The following BMS1 variants were observed in gnomAD, a reference collection of about 807,000 sequenced individuals.
BMS1 encodes the protein ribosome biogenesis protein BMS1 homolog.
Under a neutral mutation model 138.7 loss-of-function variants are expected in BMS1, and 53 were observed. The ratio of observed to expected loss-of-function variants is 0.38; its 90% CI spans 0.31 to 0.48. The LOEUF is 0.48. BMS1 is among the 20% of genes least tolerant of loss of function. BMS1 has a pLI of 0.97. For missense variants in BMS1, 1,360 were observed against 1,565.5 expected (o/e 0.87, Z 2.22); for synonymous variants, 504 against 539.9 (o/e 0.93, Z 0.92).
Position 42,823,743 on chromosome 10 carries a change from C to T in BMS1, c.3415C>T (p.His1139Tyr), listed in dbSNP as rs1325669827. The change falls in exon 21 of 23, where the codon CAT becomes TAT. Residue 1139 changes from histidine (H) to tyrosine (Y), a missense_variant. By Grantham distance (83) the His-to-Tyr change is moderately conservative. Coordinates refer to ENST00000374518, the MANE Select transcript of BMS1 (RefSeq NM_014753.4). ...MRTTGQLRLA[H>Y]GVRLKANKDS... is the part of the protein sequence containing the mutation. ...GACCACGGGCCAACTCAGGCTCGCC[C>T]ATGGCGTCAGACTAAAGGCGAACAA... 1.3e-6 allele frequency: 2 copies of T among 1,595,482 alleles called. No homozygotes were observed. Among genetic ancestry groups the T allele is most frequent in the South Asian group, 2.2e-5 (2 of 90,688 alleles).
At chr10:42,790,223 C>T in intron 4 of BMS1, 100 bp from the exon 5 acceptor site, 1 of 1,087,568 alleles carries the variant, frequency 9.2e-7, no homozygotes, top group Non-Finnish European at 1.4e-6. Flanking sequence ...GTTACAAACA[C>T]AGGTGATGGG....
At chr10:42,792,814 C>T in intron 7 of BMS1, 143 bp from the exon 8 acceptor site, 1 of 1,276,334 alleles carries the variant, frequency 7.8e-7, no homozygotes. Context: ...GCTAGGGGGC[C>T]ACTGTTCCAG....
At chr10:42,803,280 A>G (rs1031417143) in intron 13 of BMS1, among the ~76,000 whole-genome samples, 6 of 152,254 alleles carry the variant, frequency 3.9e-5, no homozygotes, top group African/African-American at 1.4e-4. Context: ...CTTGAACCAC[A>G]AATGTATACC....
Position 42,808,144 on chromosome 10 carries a change from G to A in BMS1, c.2329+5926G>A, listed in dbSNP as rs1478747285. ...TTTTGCACTTTTAAAAATTGGGTTG[G>A]GTTGGGTACTGTGAGTTCATTATAT... On this transcript the variant is annotated intron_variant, in intron 13 of 22. Coordinates refer to ENST00000374518, the MANE Select transcript of BMS1 (RefSeq NM_014753.4). Among the ~76,000 whole-genome samples the A allele has an allele frequency of 2.0e-5, 3 of 152,016 alleles. No individual in the cohort carries two copies. In the East Asian group the frequency reaches 5.8e-4, roughly 29 times the overall value.
intron 4 of BMS1, 56 bp from the exon 5 acceptor site, chr10:42,790,267 A>G: frequency 1.3e-6 from 2 of 1,580,882 alleles, no homozygotes; most frequent in Admixed American, 3.4e-5. Flanking sequence ...GCCAACCCTT[A>G]GTGTAGGTGG....
In BMS1 at chr10:42,830,937, C is replaced by T. The variant is rs747732953; in HGVS notation, c.3690C>T (p.His1230=). 2.4e-5 allele frequency: 39 copies of T among 1,611,498 alleles called. No individual in the cohort carries two copies. Among genetic ancestry groups the T allele is most frequent in the Non-Finnish European group, 3.0e-5 (35 of 1,179,028 alleles). ...QKMKKAKEQR[H]LHNKEHFRAK... ...TGAAGAAGGCCAAGGAGCAGCGGCA[C>T]CTGCACAATAAAGAGCACTTCAGAG... The change falls in exon 23 of 23, where the codon CAC becomes CAT. Residue 1230 remains histidine (H), a synonymous_variant. Transcript: ENST00000374518.
intron 2 of BMS1, 124 bp from the exon 3 acceptor site, chr10:42,785,358 A>AT (rs1766984618): frequency 1.4e-6 from 1 of 720,328 alleles, no homozygotes; most frequent in South Asian, 2.6e-5. Flanking sequence ...ACTCTCTATA[A>AT]AATGTGCTAA....
rs193146198 is a variant in BMS1, at chr10:42,791,862, C to T, written c.779+93C>T. The T allele has an allele frequency of 5.1e-3, 7,249 of 1,433,460 alleles. 25 individuals are homozygous for T. Among genetic ancestry groups the T allele is most frequent in the Non-Finnish European group, 6.1e-3 (6,549 of 1,067,924 alleles). 88.8% of individuals were successfully genotyped at this position (1,433,460 alleles called of 1,614,324 possible). A position where few individuals can be genotyped will look rare whatever the true frequency, so the allele number is the denominator to read the frequency against. On this transcript the variant is annotated intron_variant, in intron 6 of 22. Coordinates refer to ENST00000374518, the MANE Select transcript of BMS1 (RefSeq NM_014753.4). Reference sequence around the variant, plus strand: ...AACAGTGATAGGATTTATTTTGTGCCGATTTGAATAGGGGGGATAGAAGTG... The same window carrying T: ...AACAGTGATAGGATTTATTTTGTGCTGATTTGAATAGGGGGGATAGAAGTG...
intron 19 of BMS1, 77 bp from the exon 20 acceptor site, chr10:42,823,041 T>C (rs928951069): frequency 1.6e-5 from 21 of 1,316,104 alleles, no homozygotes; most frequent in Admixed American, 8.6e-5. Flanking sequence ...TAATCAAGGA[T>C]GTATGTTTGA....
intron 3 of BMS1, among the ~76,000 whole-genome samples, chr10:42,786,177 T>G (rs1424921885): frequency 6.6e-6 from 1 of 152,220 alleles, no homozygotes; most frequent in African/African-American, 2.4e-5. Flanking sequence ...ATTTAACAGA[T>G]AGCACGCACC....
At chr10:42,799,467 A>G (rs1391431297) in intron 12 of BMS1, among the ~76,000 whole-genome samples, 2 of 152,074 alleles carry the variant, frequency 1.3e-5, no homozygotes, top group Admixed American at 1.3e-4. Context: ...CTTTTTGTCA[A>G]TTCAGTTTGG....
At position 42,810,508 on chromosome 10, in the gene BMS1, C is replaced by T. The variant is rs568674421; in HGVS notation, c.2330-6091C>T. Among the ~76,000 whole-genome samples, 182 of 152,218 alleles carry T rather than the reference C, an allele frequency of 1.2e-3. 1 individual carries two copies. The highest frequency in any genetic ancestry group is 4.2e-3 in the African/African-American group (176 of 41,502). On this transcript the variant is annotated intron_variant, in intron 13 of 22. Coordinates refer to ENST00000374518, the MANE Select transcript of BMS1 (RefSeq NM_014753.4). Reference sequence around the variant, plus strand: ...ATCTGGTTTTGGCATTGGGATAATACTAGCCTCATAAAATGAGTTGCAAAG... The same window carrying T: ...ATCTGGTTTTGGCATTGGGATAATATTAGCCTCATAAAATGAGTTGCAAAG...
Position 42,824,059 on chromosome 10 carries a change from A to G in BMS1, c.3456+275A>G, listed in dbSNP as rs181971829. On this transcript the variant is annotated intron_variant, in intron 21 of 22. Transcript: ENST00000374518. ...GGTTGACCACATGATCTTAAAGGATACATATAGATAGTAAACTGGTTACTA... is the reference window on the plus strand; with the variant it reads ...GGTTGACCACATGATCTTAAAGGATGCATATAGATAGTAAACTGGTTACTA... Among the ~76,000 whole-genome samples, 431 of 152,358 alleles carry G rather than the reference A, an allele frequency of 2.8e-3. 2 individuals are homozygous for G. Among genetic ancestry groups the G allele is most frequent in the African/African-American group, 8.2e-3 (339 of 41,582 alleles).
chr10:42,796,619 G>A lies in BMS1; in HGVS notation c.1375G>A (p.Gly459Ser), dbSNP rs898947384. Residue 459 changes from glycine to serine, a missense_variant, in exon 10 of 23, where the codon GGC becomes AGC. By Grantham distance (56) the Gly-to-Ser change is moderately conservative. Transcript: ENST00000374518. ...EMSEDDGLEN[G>S]SSDEEAEEEE... is the part of the protein sequence containing the mutation. The stretch of plus-strand genomic sequence containing the variant: ...GTCTGAAGATGACGGGTTGGAAAAC[G>A]GCTCTAGTGATGAGGAAGCAGAAGA... 37 of 1,614,132 alleles carry A rather than the reference G, an allele frequency of 2.3e-5. No homozygotes were observed. Among genetic ancestry groups the A allele is most frequent in the Non-Finnish European group, 3.0e-5 (35 of 1,180,018 alleles).
chr10:42,787,965 G>C (rs1841389313), intron 4 of BMS1, among the ~76,000 whole-genome samples: 1 of 152,112 alleles, frequency 6.6e-6, no homozygotes, highest in Non-Finnish European at 1.5e-5. Context: ...AAAAAAATAA[G>C]CCATATTGAT....
In BMS1 at chr10:42,791,740, A is replaced by G. The variant is rs1248085881; in HGVS notation, c.750A>G (p.Gln250=). The G allele has an allele frequency of 1.2e-6, 2 of 1,612,820 alleles. No homozygotes were observed. Among genetic ancestry groups the G allele is most frequent in the African/African-American group, 2.7e-5 (2 of 74,840 alleles). The change falls in exon 6 of 23, where the codon CAA becomes CAG. Residue 250 remains glutamine, a synonymous_variant. Transcript: ENST00000374518. ...TVMKFRPLTW[Q]TSHPYILADR... is the part of the protein sequence containing the mutation. Reference sequence around the variant, plus strand: ...TGAAGTTTAGGCCTCTCACATGGCAAACTTCTCACCCTTATATCCTGGCAG... The same window carrying G: ...TGAAGTTTAGGCCTCTCACATGGCAGACTTCTCACCCTTATATCCTGGCAG...
chr10:42,816,514 AG>A, intron 13 of BMS1, 84 bp from the exon 14 acceptor site: 1 of 1,097,368 alleles, frequency 9.1e-7, no homozygotes, highest in Non-Finnish European at 1.3e-6. Flanking sequence ...TGGAACGCAG[AG>A]CACACTGTGG....
At chr10:42,783,164 CATT>C (rs1841210863) in intron 1 of BMS1, among the ~76,000 whole-genome samples, 1 of 152,184 alleles carries the variant, frequency 6.6e-6, no homozygotes, top group Non-Finnish European at 1.5e-5. Flanking sequence ...GGGAGAGAAA[CATT>C]AGTACAAGTG....
At chr10:42,797,398 G>A in intron 10 of BMS1, 24 bp from the exon 11 acceptor site, 1 of 1,611,918 alleles carries the variant, frequency 6.2e-7, no homozygotes, top group Non-Finnish European at 8.5e-7. Context: ...AAGCCTAACT[G>A]GAGGTTGGCA....
Sources: allele counts gnomAD v4.1 joint callset (sites outside exome capture counted in the v4.1 genomes callset), GRCh38; gene constraint gnomAD v4.1.1; transcripts MANE v1.5; gene names NCBI Gene and HGNC (gene_info 2026-07-23, HGNC 2026-07-21).